Variants in CCNQ observed in about 807,000 individuals in gnomAD.
CCNQ encodes the protein cyclin-Q.
Under a neutral mutation model 17.7 loss-of-function variants are expected in CCNQ, and 3 were observed. That is an observed-to-expected ratio of 0.17 (90% CI 0.08 to 0.44). The LOEUF (loss-of-function observed/expected upper bound fraction) is 0.44. CCNQ is among the 20% of genes least tolerant of loss of function. CCNQ has a pLI of 0.99. For synonymous variants in CCNQ, 73 were observed against 96.0 expected, an observed-to-expected ratio of 0.76 and a Z score of 1.40; for missense variants, 146 against 222.6, an observed-to-expected ratio of 0.66 and a Z score of 2.19.
chrX:153,592,876 C>G, intron 3 of CCNQ, 143 bp from the exon 4 acceptor site: 1 of 557,872 alleles, frequency 1.8e-6, no homozygotes. Flanking sequence ...GGCCCCATCT[C>G]CTGCCGATCC....
intron 4 of CCNQ, 105 bp from the exon 5 acceptor site, chrX:153,588,559 A>G: frequency 1.6e-6 from 1 of 617,272 alleles, no homozygotes; most frequent in Non-Finnish European, 2.8e-6. Flanking sequence ...GGAGGGGCAC[A>G]GGGACTTGGC....
Position 153,588,112 on chromosome X carries a change from G to A in CCNQ, c.*253C>T, listed in dbSNP as rs1384394411. 5 of 485,480 alleles carry A rather than the reference G, an allele frequency of 1.0e-5. No homozygotes were observed. The African/African-American group carries it at 1.2e-4, about 11-fold the overall frequency. The allele number at this position is 485,480 out of a possible 1,213,427, so 40.0% of individuals were successfully genotyped here. A position where few individuals can be genotyped will look rare whatever the true frequency, so the allele number is the denominator to read the frequency against. ...TCAAAGGACAAACGCAGATGTGGCT[G>A]CCTTGGGTCAGCTGCACACAGTACA... On this transcript the variant is annotated 3_prime_UTR_variant, in exon 5 of 5. Coordinates refer to ENST00000576892, the MANE Select transcript of CCNQ (RefSeq NM_152274.5).
Position 153,595,370 on chromosome X carries a change from G to A in CCNQ, c.296+634C>T, listed in dbSNP as rs989468826. On this transcript the variant is annotated intron_variant, in intron 2 of 4. Coordinates refer to ENST00000576892, the MANE Select transcript of CCNQ (RefSeq NM_152274.5). ...TGGGCTCAAGCGATCCACCCGCCTC[G>A]GCCTCCCAAAGTGCTGGGATCACAG... 3.5e-5 allele frequency among the ~76,000 whole-genome samples: 4 copies of A among 113,265 alleles called. No homozygotes were observed. In the East Asian group the frequency reaches 1.1e-3, roughly 32 times the overall value.
At chrX:153,593,929 C>T (rs1193634364) in intron 3 of CCNQ, among the ~76,000 whole-genome samples, 4 of 112,733 alleles carry the variant, frequency 3.5e-5, no homozygotes, top group Non-Finnish European at 7.5e-5. Flanking sequence ...ACCACAACTC[C>T]TCCATCTCTG....
In CCNQ at chrX:153,592,625, C is replaced by T. The variant is rs1557026069; in HGVS notation, c.538G>A (p.Gly180Arg). ...GCCTGGAAGCGGAGGCACAGCGCCC[C>T]ATGGTAGCTGTCCCGCAGCAGGGCC... ...AWALLRDSYH[G>R]ALCLRFQAQH... Residue 180 changes from glycine to arginine, a missense_variant, in exon 4 of 5, where the codon GGG (glycine) becomes AGG (arginine). By Grantham distance (125) the Gly-to-Arg change is moderately radical. Coordinates refer to ENST00000576892, the MANE Select transcript of CCNQ (RefSeq NM_152274.5). 1 of 1,211,127 alleles carries T rather than the reference C, an allele frequency of 8.3e-7. No individual in the cohort carries two copies. Among genetic ancestry groups the T allele is most frequent in the Non-Finnish European group, 1.1e-6 (1 of 894,960 alleles).
At chrX:153,598,348 G>T (rs1557027530) in intron 1 of CCNQ, among the ~76,000 whole-genome samples, 1 of 111,570 alleles carries the variant, frequency 9.0e-6, no homozygotes, top group African/African-American at 3.3e-5. Context: ...TCCGGGAGAC[G>T]GAGGTTGCAG....
chrX:153,589,326 G>A (rs1400160248), intron 4 of CCNQ, among the ~76,000 whole-genome samples: 16 of 112,958 alleles, frequency 1.4e-4, no homozygotes, highest in African/African-American at 4.2e-4. Flanking sequence ...CGTGCTCGCT[G>A]TCCCACACTG....
chrX:153,592,757 T>C, intron 3 of CCNQ, 24 bp from the exon 4 acceptor site: 2 of 1,163,964 alleles, frequency 1.7e-6, no homozygotes, highest in Non-Finnish European at 2.3e-6. Context: ...TGTGTCAGCC[T>C]TTAGGCCCAC....
At chrX:153,590,836 A>G (rs1484018719) in intron 4 of CCNQ, among the ~76,000 whole-genome samples, 4 of 111,919 alleles carry the variant, frequency 3.6e-5, no homozygotes, top group Non-Finnish European at 7.5e-5. Flanking sequence ...GACAAAAAGC[A>G]GCAGTGGCTG....
At chrX:153,590,609 G>A (rs1038641238) in intron 4 of CCNQ, among the ~76,000 whole-genome samples, 2 of 112,222 alleles carry the variant, frequency 1.8e-5, no homozygotes, top group African/African-American at 3.2e-5. Flanking sequence ...GCACAGCACC[G>A]TGAATGTGCT....
chrX:153,595,027 C>G (rs2091017769), intron 2 of CCNQ, among the ~76,000 whole-genome samples: 1 of 113,033 alleles, frequency 8.8e-6, no homozygotes, highest in South Asian at 3.6e-4. Context: ...TCCTGTTATA[C>G]TCAGCCCGGC....
intron 2 of CCNQ, 37 bp from the exon 3 acceptor site, chrX:153,594,716 C>A (rs371751760): frequency 2.5e-6 from 3 of 1,207,682 alleles, no homozygotes; most frequent in Non-Finnish European, 3.4e-6. Flanking sequence ...GCAGCCAGGG[C>A]AGTCTCCTGA....
chrX:153,596,255 C>A, intron 1 of CCNQ, 68 bp from the exon 2 acceptor site: 1 of 1,104,506 alleles, frequency 9.1e-7, no homozygotes, highest in Non-Finnish European at 1.3e-6. Context: ...GTGAGGGGAG[C>A]CATTGGAATG....
In CCNQ at chrX:153,588,279, G is replaced by A; in HGVS notation, c.*86C>T. 1.3e-6 allele frequency: 1 copy of A among 774,877 alleles called. No homozygotes were observed. The highest frequency in any genetic ancestry group is 3.4e-4 in the Middle Eastern group (1 of 2,968). The allele number at this position is 774,877 out of a possible 1,213,427, so 63.9% of individuals were successfully genotyped here. On this transcript the variant is annotated 3_prime_UTR_variant, in exon 5 of 5. Coordinates refer to ENST00000576892, the MANE Select transcript of CCNQ (RefSeq NM_152274.5). ...CAGTCCTCCCAGCTGGTCCTGTGGG[G>A]ACCAGCCGTCATGGCGACGTGGTGA...
In CCNQ at chrX:153,592,387, T is replaced by C. The variant is rs199823338; in HGVS notation, c.657+119A>G. 89 of 755,602 alleles carry C rather than the reference T, an allele frequency of 1.2e-4. No homozygotes were observed. The East Asian group carries it at 2.5e-3, about 22-fold the overall frequency. The allele number at this position is 755,602 out of a possible 1,213,427, so 62.3% of individuals were successfully genotyped here. A position where few individuals can be genotyped will look rare whatever the true frequency, so the allele number is the denominator to read the frequency against. On this transcript the variant is annotated intron_variant, in intron 4 of 4. Transcript: ENST00000576892. Reference sequence around the variant, plus strand: ...GCAACAGGGTACTTTCGAGCTTCCATGTTCCCCAGCAGCCCGTATCTTTCT... The same window carrying C: ...GCAACAGGGTACTTTCGAGCTTCCACGTTCCCCAGCAGCCCGTATCTTTCT...
Position 153,596,109 on chromosome X carries a change from A to G in CCNQ, c.191T>C (p.Leu64Pro), listed in dbSNP as rs376670332. The change falls in exon 2 of 5, where the codon CTG (leucine) becomes CCG (proline). Residue 64 changes from leucine to proline, a missense_variant. Coordinates refer to ENST00000576892, the MANE Select transcript of CCNQ (RefSeq NM_152274.5). ...AATCAGGTAAGGGTCATAGGCGTCCAGGTTGGTCTCGCAAAAGAACTTATG... is the reference window on the plus strand; with the variant it reads ...AATCAGGTAAGGGTCATAGGCGTCCGGGTTGGTCTCGCAAAAGAACTTATG... ...IYHKFFCETN[L>P]DAYDPYLIAM... 4.1e-6 allele frequency: 5 copies of G among 1,210,838 alleles called. No homozygotes were observed. In the African/African-American group the frequency reaches 7.0e-5, roughly 17 times the overall value.
Position 153,596,001 on chromosome X carries a change from T to G in CCNQ, c.296+3A>C, listed in dbSNP as rs782197998. On this transcript the variant is annotated splice_donor_region_variant and intron_variant, in intron 2 of 4. Transcript: ENST00000576892. Reference sequence around the variant, plus strand: ...GATCAGGAGCCCAGCCAAATGCCATTACCTGTTGGACACATTGATGATGTC... The same window carrying G: ...GATCAGGAGCCCAGCCAAATGCCATGACCTGTTGGACACATTGATGATGTC... 41 of 1,210,459 alleles carry G rather than the reference T, an allele frequency of 3.4e-5. No homozygotes were observed. Among genetic ancestry groups the G allele is most frequent in the Non-Finnish European group, 4.5e-5 (40 of 895,256 alleles).
Position 153,593,254 on chromosome X carries a change from A to G in CCNQ, c.430-521T>C, listed in dbSNP as rs57132989. On this transcript the variant is annotated intron_variant, in intron 3 of 4. Transcript: ENST00000576892. Reference sequence around the variant, plus strand: ...TGACATTTTGCCAGAACCTCACACAATAAGACAGATGCTGCGAGCTCTCTG... The same window carrying G: ...TGACATTTTGCCAGAACCTCACACAGTAAGACAGATGCTGCGAGCTCTCTG... 6.3e-3 allele frequency among the ~76,000 whole-genome samples: 710 copies of G among 112,396 alleles called. 3 individuals are homozygous for G. The highest frequency in any genetic ancestry group is 0.022 in the African/African-American group (694 of 30,953).
chrX:153,592,542 C>T lies in CCNQ; in HGVS notation c.621G>A (p.Val207=), dbSNP rs1557026010. 8.2e-7 allele frequency: 1 copy of T among 1,212,302 alleles called. No individual in the cohort carries two copies. Among genetic ancestry groups the T allele is most frequent in the Non-Finnish European group, 1.1e-6 (1 of 895,558 alleles). ...YLALQVYGVE[V]PAEVEAEKPW... Reference sequence around the variant, plus strand: ...GCTTCTCAGCCTCGACCTCGGCGGGCACCTCAACTCCGTAGACCTGCAGGG... The same window carrying T: ...GCTTCTCAGCCTCGACCTCGGCGGGTACCTCAACTCCGTAGACCTGCAGGG... The change falls in exon 4 of 5, where the codon GTG becomes GTA. Residue 207 remains valine (V), a synonymous_variant. Transcript: ENST00000576892.
Sources: allele counts gnomAD v4.1 joint callset (sites outside exome capture counted in the v4.1 genomes callset), GRCh38; gene constraint gnomAD v4.1.1; transcripts MANE v1.5; gene names NCBI Gene and HGNC (gene_info 2026-07-23, HGNC 2026-07-21).